Variants in PLD1 observed in about 807,000 individuals in gnomAD.
The protein encoded by PLD1 is phospholipase D1.
PLD1 carries 112 observed loss-of-function variants against 137.1 expected under a neutral mutation model. The observed-to-expected ratio is 0.82, with a 90% CI of 0.70 to 0.96. The LOEUF is 0.96. Among genes scored for constraint, PLD1 ranks in the 40% least tolerant of loss-of-function variants. The pLI is 0.00. For missense variants in PLD1, 1,321 were observed against 1,342.0 expected, an observed-to-expected ratio of 0.98 and a Z score of 0.24; for synonymous variants, 431 against 454.7, an observed-to-expected ratio of 0.95 and a Z score of 0.66.
rs187369638 is a variant in PLD1 at position 171,604,263 on chromosome 3, G to A, written c.3001-961C>T. ...CAGGAGGTAGAAATTGCAGTGAGCC[G>A]AGATCATGCCACTGCACTCCAGCCT... On this transcript the variant is annotated intron_variant, in intron 26 of 26. Coordinates refer to ENST00000351298, the MANE Select transcript of PLD1 (RefSeq NM_002662.5). 2.0e-3 allele frequency among the ~76,000 whole-genome samples: 292 copies of A among 149,662 alleles called. 2 individuals carry two copies. Among genetic ancestry groups the A allele is most frequent in the African/African-American group, 7.0e-3 (283 of 40,464 alleles).
At chr3:171,777,919 A>T (rs1722646703) in intron 1 of PLD1, among the ~76,000 whole-genome samples, 1 of 152,238 alleles carries the variant, frequency 6.6e-6, no homozygotes, top group African/African-American at 2.4e-5. Flanking sequence ...TAGTGATGGC[A>T]TTTAACTTTT....
chr3:171,615,898 T>C (rs1373205508), intron 24 of PLD1, among the ~76,000 whole-genome samples: 3 of 152,236 alleles, frequency 2.0e-5, no homozygotes, highest in Non-Finnish European at 2.9e-5. Flanking sequence ...GTTGCTAAGC[T>C]GCAGGGTGTA....
At chr3:171,733,121 A>G (rs1265896705) in intron 6 of PLD1, among the ~76,000 whole-genome samples, 1 of 152,208 alleles carries the variant, frequency 6.6e-6, no homozygotes, top group Non-Finnish European at 1.5e-5. Context: ...TAGCTAAAAA[A>G]TGCTTTTTGG....
Position 171,677,606 on chromosome 3 carries a change from G to C in PLD1, c.1956C>G (p.Phe652Leu), listed in dbSNP as rs200255431. The C allele has an allele frequency of 9.3e-6, 15 of 1,613,846 alleles. No individual in the cohort carries two copies. The highest frequency in any genetic ancestry group is 1.6e-4 in the Middle Eastern group (1 of 6,082). The change falls in exon 17 of 27, where the codon TTC (phenylalanine) becomes TTG (leucine). Residue 652 changes from phenylalanine (F) to leucine (L), a missense_variant. Phe to Leu is a conservative substitution (Grantham distance 22). Transcript: ENST00000351298. Reference protein sequence around the residue: ...RFWHGKDYCNFVFKDWVQLDK... With the variant: ...RFWHGKDYCNLVFKDWVQLDK... The stretch of plus-strand genomic sequence containing the variant: ...CAAGTTGAACCCAGTCTTTGAAGAC[G>C]AAATTGCAGTAGTCCTTTCCATGCC...
intron 20 of PLD1, among the ~76,000 whole-genome samples, chr3:171,660,890 T>G (rs1032582767): frequency 6.6e-6 from 1 of 152,134 alleles, no homozygotes; most frequent in Non-Finnish European, 1.5e-5. Context: ...ATTACAGGCA[T>G]GAGCCACCGT....
intron 16 of PLD1, among the ~76,000 whole-genome samples, chr3:171,680,140 T>C (rs906831886): frequency 6.6e-6 from 1 of 152,060 alleles, no homozygotes; most frequent in Non-Finnish European, 1.5e-5. Flanking sequence ...GGTCTCCATT[T>C]TTCTACCATT....
At chr3:171,701,008 G>A (rs529175139) in intron 11 of PLD1, among the ~76,000 whole-genome samples, 2 of 152,318 alleles carry the variant, frequency 1.3e-5, no homozygotes, top group African/African-American at 2.4e-5. Context: ...AAGCCTTATG[G>A]AATTCTGCAC....
intron 1 of PLD1, among the ~76,000 whole-genome samples, chr3:171,807,641 C>T (rs1723906247): frequency 6.6e-6 from 1 of 152,210 alleles, no homozygotes; most frequent in Admixed American, 6.5e-5. Flanking sequence ...TAAATTAGTT[C>T]AGTCACTGTG....
intron 4 of PLD1, 94 bp from the exon 5 acceptor site, chr3:171,735,064 G>A (rs1719249212): frequency 1.4e-6 from 1 of 713,192 alleles, no homozygotes; most frequent in Admixed American, 2.3e-5. Flanking sequence ...ATTTTTAAGA[G>A]ACTATTTAAT....
At chr3:171,779,593 A>C (rs745485315) in intron 1 of PLD1, among the ~76,000 whole-genome samples, 1 of 152,230 alleles carries the variant, frequency 6.6e-6, no homozygotes, top group Non-Finnish European at 1.5e-5. Context: ...GCTTGGATAC[A>C]TAAGTCCAAG....
At chr3:171,718,196 A>G (rs1209162713) in intron 8 of PLD1, among the ~76,000 whole-genome samples, 1 of 152,236 alleles carries the variant, frequency 6.6e-6, no homozygotes, top group African/African-American at 2.4e-5. Flanking sequence ...AAACTAGAAA[A>G]TCTACAAGAA....
rs866036807 is a variant in PLD1 at position 171,746,892 on chromosome 3, T to A, written c.-31-8810A>T. ...GGCCCCCTTCAATACGGTGGAAGGT[T>A]TGTTCTTTTGCTCTTTGCAATAAAT... On this transcript the variant is annotated intron_variant, in intron 1 of 26. Transcript: ENST00000351298. Among the ~76,000 whole-genome samples, 5 of 152,310 alleles carry A rather than the reference T, an allele frequency of 3.3e-5. 1 individual carries two copies. Among genetic ancestry groups the A allele is most frequent in the African/African-American group, 1.2e-4 (5 of 41,564 alleles).
intron 11 of PLD1, 69 bp from the exon 12 acceptor site, chr3:171,699,895 G>T: frequency 7.8e-7 from 1 of 1,277,604 alleles, no homozygotes; most frequent in Non-Finnish European, 1.1e-6. Flanking sequence ...GTCATAGGAA[G>T]CAAAGGCAAT....
rs959683584 is a variant in PLD1 at position 171,602,709 on chromosome 3, A to T, written c.*369T>A. ...CTAGACATTGGCTGCATAAATGAAGATCAGAGAAGAATAAGGAGATTCAGA... is the reference window on the plus strand; with the variant it reads ...CTAGACATTGGCTGCATAAATGAAGTTCAGAGAAGAATAAGGAGATTCAGA... On this transcript the variant is annotated 3_prime_UTR_variant, in exon 27 of 27. Transcript: ENST00000351298. 5 of 235,002 alleles carry T rather than the reference A, an allele frequency of 2.1e-5. No individual in the cohort carries two copies. Among genetic ancestry groups the T allele is most frequent in the Non-Finnish European group, 4.2e-5 (5 of 119,340 alleles). 14.6% of individuals were successfully genotyped at this position (235,002 alleles called of 1,614,324 possible).
chr3:171,727,434 G>T (rs1718606042), intron 6 of PLD1, among the ~76,000 whole-genome samples: 4 of 152,146 alleles, frequency 2.6e-5, no homozygotes, highest in Admixed American at 1.3e-4. Flanking sequence ...GCATAGAAGG[G>T]AAAAACAAAT....
In PLD1 at chr3:171,710,872, C is replaced by CTTTTTTTTTTTTTTTTTTTT. The variant is rs774704143; in HGVS notation, c.912-1164_912-1163insAAAAAAAAAAAAAAAAAAAA. On this transcript the variant is annotated intron_variant, in intron 9 of 26. Coordinates refer to ENST00000351298, the MANE Select transcript of PLD1 (RefSeq NM_002662.5). ...TTTCACTAATCATAGGAAAACTGTT[C>CTTTTTTTTTTTTTTTTTTTT]TTTTTTTTTTTTTTTTTTTGAGACG... Among the ~76,000 whole-genome samples, 47 of 98,568 alleles carry CTTTTTTTTTTTTTTTTTTTT rather than the reference C, an allele frequency of 4.8e-4. 8 individuals carry two copies. The highest frequency in any genetic ancestry group is 5.7e-3 in the Middle Eastern group (1 of 176). The allele number at this position is 98,568 out of a possible 152,430, so 64.7% of individuals were successfully genotyped here.
intron 26 of PLD1, among the ~76,000 whole-genome samples, chr3:171,604,132 A>G (rs1732019409): frequency 1.3e-5 from 2 of 151,980 alleles, no homozygotes; most frequent in African/African-American, 4.8e-5. Context: ...TGAGGTCAGG[A>G]GTTCAAGACC....
chr3:171,610,690 G>A (rs192026803), intron 25 of PLD1, among the ~76,000 whole-genome samples: 2 of 152,132 alleles, frequency 1.3e-5, no homozygotes, highest in African/African-American at 2.4e-5. Flanking sequence ...TATGTATGCC[G>A]CAGTAGGCAA....
At chr3:171,687,319 A>G in intron 15 of PLD1, 52 bp downstream of exon 15, 1 of 1,428,972 alleles carries the variant, frequency 7.0e-7, no homozygotes, top group Admixed American at 1.7e-5. Context: ...GTGTCTGGCT[A>G]TGGAAGAACA....
Sources: gnomAD v4.1 joint callset for allele counts (sites outside exome capture counted in the v4.1 genomes callset) on GRCh38, gnomAD v4.1.1 for gene constraint, MANE v1.5 for transcripts, NCBI Gene and HGNC (gene_info 2026-07-23, HGNC 2026-07-21) for gene names.